Variants in KCTD16 observed in about 807,000 individuals in gnomAD.
KCTD16 encodes the protein potassium channel tetramerization domain containing 16.
Under a neutral mutation model 33.2 loss-of-function variants are expected in KCTD16, and 13 were observed. That is an observed-to-expected ratio of 0.39 (90% confidence interval 0.25 to 0.62). KCTD16 has a LOEUF of 0.62. Among genes scored for constraint, KCTD16 ranks in the 20% least tolerant of loss-of-function variants. The probability of loss-of-function intolerance (pLI) is 0.50; values close to 1 mark genes in which losing one functional copy is unlikely to be tolerated. For missense variants in KCTD16, 441 were observed against 525.1 expected (o/e 0.84, Z 1.57); for synonymous variants, 197 against 195.3 (o/e 1.01, Z -0.07).
At chr5:144,305,841 AT>A (rs1751592365) in intron 3 of KCTD16, among the ~76,000 whole-genome samples, 1 of 152,112 alleles carries the variant, frequency 6.6e-6, no homozygotes, top group African/African-American at 2.4e-5. Context: ...TAAAAAATAA[AT>A]AAAAAATAAG....
At chr5:144,261,891 T>C (rs1185348834) in intron 3 of KCTD16, among the ~76,000 whole-genome samples, 1 of 152,194 alleles carries the variant, frequency 6.6e-6, no homozygotes, top group African/African-American at 2.4e-5. Context: ...ATGACTTTTT[T>C]TTTAAAGAAT....
rs1754616598 is a variant in KCTD16, at chr5:144,477,346, G to A, written c.*3232G>A. On this transcript the variant is annotated 3_prime_UTR_variant, in exon 4 of 4. Coordinates refer to ENST00000512467, the MANE Select transcript of KCTD16 (RefSeq NM_020768.4). Reference sequence around the variant, plus strand: ...GTTATCTTACTGAAAATGCATGCATGGTGAATTAAAATAAAAGGGGGAACA... The same window carrying A: ...GTTATCTTACTGAAAATGCATGCATAGTGAATTAAAATAAAAGGGGGAACA... 1 of 152,086 alleles carries A rather than the reference G, an allele frequency of 6.6e-6. No homozygotes were observed. The highest frequency in any genetic ancestry group is 2.1e-4 in the South Asian group (1 of 4,824). 9.4% of individuals were successfully genotyped at this position (152,086 alleles called of 1,614,324 possible).
intron 3 of KCTD16, among the ~76,000 whole-genome samples, chr5:144,320,867 C>A (rs571659218): frequency 6.6e-6 from 1 of 151,040 alleles, no homozygotes; most frequent in Admixed American, 6.6e-5. Context: ...AATGCCAATT[C>A]TTTTTGAGAC....
At chr5:144,265,738 T>A (rs1018647324) in intron 3 of KCTD16, among the ~76,000 whole-genome samples, 21 of 152,238 alleles carry the variant, frequency 1.4e-4, no homozygotes, top group Admixed American at 1.4e-3. Flanking sequence ...TCAAGATGTA[T>A]TTGAAACTGT....
intron 3 of KCTD16, among the ~76,000 whole-genome samples, chr5:144,392,627 C>G (rs180759859): frequency 1.3e-5 from 2 of 152,320 alleles, no homozygotes; most frequent in South Asian, 2.1e-4. Context: ...CCATGTATCT[C>G]TAGCGCTCCT....
intron 3 of KCTD16, among the ~76,000 whole-genome samples, chr5:144,293,283 A>G (rs968969228): frequency 6.6e-6 from 1 of 152,154 alleles, no homozygotes; most frequent in African/African-American, 2.4e-5. Context: ...GTGTTATGAT[A>G]TGGAAATCCT....
intron 3 of KCTD16, among the ~76,000 whole-genome samples, chr5:144,445,916 C>T (rs1753808875): frequency 6.6e-6 from 1 of 151,928 alleles, no homozygotes; most frequent in Non-Finnish European, 1.5e-5. Flanking sequence ...GAGACTCTCC[C>T]AGTTTCTGTT....
Position 144,251,255 on chromosome 5 carries a change from T to C in KCTD16, c.832+43709T>C, listed in dbSNP as rs564220124. On this transcript the variant is annotated intron_variant, in intron 3 of 3. Coordinates refer to ENST00000512467, the MANE Select transcript of KCTD16 (RefSeq NM_020768.4). ...GATACAGAAAGGTAGTAGGGGGTGG[T>C]GTGTTGTTTAAAAGGGAGTTCTGGA... Among the ~76,000 whole-genome samples the C allele has an allele frequency of 5.3e-5, 8 of 152,202 alleles. No individual in the cohort carries two copies. The South Asian group carries it at 1.5e-3, about 28-fold the overall frequency.
chr5:144,412,684 A>C lies in KCTD16; in HGVS notation c.833-60976A>C, dbSNP rs1333358032. On this transcript the variant is annotated intron_variant, in intron 3 of 3. Coordinates refer to ENST00000512467, the MANE Select transcript of KCTD16 (RefSeq NM_020768.4). The stretch of plus-strand genomic sequence containing the variant: ...GCAGATCACTTGAGGTCAGGAGTTC[A>C]AGACCAGCCTGGCCAACATGATGAA... Among the ~76,000 whole-genome samples, 3 of 152,188 alleles carry C rather than the reference A, an allele frequency of 2.0e-5. No individual in the cohort carries two copies. In the East Asian group the frequency reaches 5.8e-4, roughly 29 times the overall value.
At chr5:144,345,122 G>C (rs560392130) in intron 3 of KCTD16, among the ~76,000 whole-genome samples, 4 of 148,984 alleles carry the variant, frequency 2.7e-5, no homozygotes, top group African/African-American at 9.9e-5. Context: ...ACCAAACACC[G>C]CATGTTCTCA....
At chr5:144,450,390 G>T (rs972330536) in intron 3 of KCTD16, among the ~76,000 whole-genome samples, 3 of 152,006 alleles carry the variant, frequency 2.0e-5, no homozygotes, top group Admixed American at 2.0e-4. Flanking sequence ...ACAATGTGAA[G>T]TTTCCTTAAA....
intron 3 of KCTD16, among the ~76,000 whole-genome samples, chr5:144,235,230 T>A (rs2126816098): frequency 6.6e-6 from 1 of 152,252 alleles, no homozygotes; most frequent in African/African-American, 2.4e-5. Context: ...AACAATCCAA[T>A]CCTTTAGAGA....
At chr5:144,454,317 T>A (rs1444584375) in intron 3 of KCTD16, among the ~76,000 whole-genome samples, 1 of 152,180 alleles carries the variant, frequency 6.6e-6, no homozygotes, top group Non-Finnish European at 1.5e-5. Context: ...AACACCCATA[T>A]CAACTTTATA....
chr5:144,444,151 G>GT (rs948058582), intron 3 of KCTD16, among the ~76,000 whole-genome samples: 4 of 151,622 alleles, frequency 2.6e-5, no homozygotes, highest in East Asian at 1.9e-4. Flanking sequence ...ATCGTTTCAT[G>GT]TTTTTTTTAG....
intron 2 of KCTD16, among the ~76,000 whole-genome samples, chr5:144,181,327 CA>C (rs1752621073): frequency 6.6e-6 from 1 of 152,086 alleles, no homozygotes; most frequent in Non-Finnish European, 1.5e-5. Context: ...AAAAACAAAA[CA>C]AAACAAAACA....
chr5:144,349,403 T>G (rs1292994052), intron 3 of KCTD16, among the ~76,000 whole-genome samples: 2 of 152,224 alleles, frequency 1.3e-5, no homozygotes, highest in African/African-American at 2.4e-5. Flanking sequence ...ATATGTGAAA[T>G]ACACAAGTAG....
intron 3 of KCTD16, among the ~76,000 whole-genome samples, chr5:144,213,630 T>G (rs2126796419): frequency 6.6e-6 from 1 of 152,322 alleles, no homozygotes; most frequent in East Asian, 1.9e-4. Context: ...ACTCAGTATT[T>G]CTGACAAGTT....
chr5:144,415,070 T>C (rs1208093847), intron 3 of KCTD16, among the ~76,000 whole-genome samples: 1 of 152,082 alleles, frequency 6.6e-6, no homozygotes, highest in Non-Finnish European at 1.5e-5. Context: ...GCCTGGGAAG[T>C]CCAAGAGCAA....
chr5:144,451,465 A>G (rs752319742), intron 3 of KCTD16, among the ~76,000 whole-genome samples: 5 of 152,160 alleles, frequency 3.3e-5, no homozygotes, highest in Non-Finnish European at 5.9e-5. Flanking sequence ...CAGAATGGCT[A>G]AGAAGAAGAC....
Sources: gnomAD v4.1 joint callset for allele counts (sites outside exome capture counted in the v4.1 genomes callset) on GRCh38, gnomAD v4.1.1 for gene constraint, MANE v1.5 for transcripts, NCBI Gene and HGNC (gene_info 2026-07-23, HGNC 2026-07-21) for gene names.